Variants in NFKB1 observed in about 807,000 individuals in gnomAD.
The protein encoded by NFKB1 is nuclear factor NF-kappa-B p105 subunit.
NFKB1 carries 9 observed loss-of-function variants against 105.1 expected under a neutral mutation model. The observed-to-expected ratio is 0.09, with a 90% confidence interval of 0.05 to 0.15. The LOEUF is 0.15. Among genes scored for constraint, NFKB1 ranks in the 10% least tolerant of loss-of-function variants. The pLI is 1.00. For missense variants in NFKB1, 830 were observed against 1,203.7 expected, an observed-to-expected ratio of 0.69 and a Z score of 4.59; for synonymous variants, 440 against 442.2, an observed-to-expected ratio of 1.00 and a Z score of 0.06.
rs1739021419 is a variant in NFKB1, at chr4:102,501,601, T to G, written c.-195T>G. ...GCCCTGCGCTTCCCTCCGCCCGCGC[T>G]GCGGCCATGGCGCGGCGCTGACTGG... On this transcript the variant is annotated 5_prime_UTR_variant, in exon 1 of 24. Coordinates refer to ENST00000226574, the MANE Select transcript of NFKB1 (RefSeq NM_003998.4). 1.4e-5 allele frequency: 2 copies of G among 147,276 alleles called. No individual in the cohort carries two copies. The highest frequency in any genetic ancestry group is 3.9e-4 in the East Asian group (2 of 5,092). The allele number at this position is 147,276 out of a possible 1,614,324, so 9.1% of individuals were successfully genotyped here.
intron 22 of NFKB1, among the ~76,000 whole-genome samples, chr4:102,613,179 G>T (rs4648114): frequency 1.3e-5 from 2 of 152,128 alleles, no homozygotes; most frequent in African/African-American, 4.8e-5. Flanking sequence ...CGCTTCTCTC[G>T]CTGTCTCTCT....
chr4:102,537,657 G>A, intron 4 of NFKB1: 1 of 444,040 alleles, frequency 2.3e-6, no homozygotes, highest in East Asian at 4.2e-5. Context: ...ATATCTTAGT[G>A]TACAAATATC....
chr4:102,502,835 A>T (rs1474646334), intron 1 of NFKB1, among the ~76,000 whole-genome samples: 1 of 152,236 alleles, frequency 6.6e-6, no homozygotes, highest in Non-Finnish European at 1.5e-5. Flanking sequence ...ATAATCTGAA[A>T]AAATGCTTAT....
At chr4:102,536,430 C>G (rs1045354679) in intron 4 of NFKB1, among the ~76,000 whole-genome samples, 2 of 152,036 alleles carry the variant, frequency 1.3e-5, no homozygotes, top group Admixed American at 6.6e-5. Context: ...TTACTTTAGG[C>G]CTTACTTATC....
chr4:102,560,296 A>C (rs895508310), intron 5 of NFKB1, among the ~76,000 whole-genome samples: 2 of 152,208 alleles, frequency 1.3e-5, no homozygotes, highest in African/African-American at 4.8e-5. Context: ...ATGTAGTAAA[A>C]CTGAAAGTTA....
At chr4:102,551,638 T>A (rs950670998) in intron 5 of NFKB1, among the ~76,000 whole-genome samples, 5 of 152,120 alleles carry the variant, frequency 3.3e-5, no homozygotes, top group African/African-American at 9.7e-5. Context: ...GATCCCTGTT[T>A]TGGTAGTTCA....
intron 1 of NFKB1, among the ~76,000 whole-genome samples, chr4:102,516,578 C>CT (rs74462352): frequency 0.37 from 56,191 of 151,404 alleles, 10,686 homozygotes; most frequent in Admixed American, 0.46. Context: ...AATTTCCATT[C>CT]TTTTTTTTAA....
At chr4:102,550,519 A>G (rs533882507) in intron 5 of NFKB1, among the ~76,000 whole-genome samples, 1 of 152,242 alleles carries the variant, frequency 6.6e-6, no homozygotes, top group East Asian at 1.9e-4. Flanking sequence ...TTTGGATTTG[A>G]GATATGAAAT....
intron 5 of NFKB1, 21 bp downstream of exon 5, chr4:102,537,977 C>G: frequency 7.0e-7 from 1 of 1,420,680 alleles, no homozygotes; most frequent in Non-Finnish European, 9.9e-7. Flanking sequence ...GGTAGCTCTC[C>G]TTCTATTTGA....
At chr4:102,610,848 C>A in intron 20 of NFKB1, 149 bp downstream of exon 20, 2 of 1,022,532 alleles carry the variant, frequency 2.0e-6, no homozygotes, top group Non-Finnish European at 2.7e-6. Context: ...CCATTTTTAT[C>A]TTGAAAAACC....
chr4:102,611,262 A>T (rs1378072877), intron 20 of NFKB1, among the ~76,000 whole-genome samples: 1 of 152,190 alleles, frequency 6.6e-6, no homozygotes, highest in African/African-American at 2.4e-5. Context: ...CAACATGACA[A>T]GATCAGTTCT....
intron 1 of NFKB1, among the ~76,000 whole-genome samples, chr4:102,511,371 T>C (rs990227507): frequency 7.9e-5 from 12 of 152,234 alleles, no homozygotes; most frequent in Admixed American, 4.6e-4. Flanking sequence ...TCATGTAGTC[T>C]TTTCAGTTTT....
At chr4:102,555,241 T>C (rs1408728900) in intron 5 of NFKB1, among the ~76,000 whole-genome samples, 4 of 152,312 alleles carry the variant, frequency 2.6e-5, no homozygotes, top group Admixed American at 1.3e-4. Flanking sequence ...TCCTCAGCCT[T>C]TCCTAATGTT....
At chr4:102,611,946 C>T in intron 20 of NFKB1, 98 bp from the exon 21 acceptor site, 1 of 917,824 alleles carries the variant, frequency 1.1e-6, no homozygotes, top group South Asian at 1.5e-5. Flanking sequence ...ACCAGGCCCT[C>T]CTAAGGAGGA....
chr4:102,523,016 C>T (rs1481996542), intron 1 of NFKB1, among the ~76,000 whole-genome samples: 1 of 152,078 alleles, frequency 6.6e-6, no homozygotes, highest in African/African-American at 2.4e-5. Flanking sequence ...GGGATATGTT[C>T]TTTGAATAGG....
intron 2 of NFKB1, among the ~76,000 whole-genome samples, chr4:102,525,961 C>G (rs1162330691): frequency 1.3e-5 from 2 of 152,146 alleles, no homozygotes; most frequent in African/African-American, 4.8e-5. Flanking sequence ...TTCCATGCCT[C>G]TCCCCTAGCT....
At chr4:102,601,903 T>TA (rs1388120119) in intron 16 of NFKB1, among the ~76,000 whole-genome samples, 1 of 152,234 alleles carries the variant, frequency 6.6e-6, no homozygotes, top group African/African-American at 2.4e-5. Context: ...CAGTCTGCTG[T>TA]ATGGGGCTCC....
intron 12 of NFKB1, among the ~76,000 whole-genome samples, chr4:102,594,526 T>G (rs1250087548): frequency 3.3e-5 from 5 of 152,182 alleles, no homozygotes; most frequent in Non-Finnish European, 7.3e-5. Context: ...TGTGCTTTGT[T>G]TGATTAAGTT....
intron 13 of NFKB1, among the ~76,000 whole-genome samples, chr4:102,595,428 G>C (rs1396342340): frequency 6.6e-6 from 1 of 152,140 alleles, no homozygotes; most frequent in Non-Finnish European, 1.5e-5. Flanking sequence ...GTCCATTCTA[G>C]TGTACCCATG....
Sources: gnomAD v4.1 joint callset for allele counts (sites outside exome capture counted in the v4.1 genomes callset) on GRCh38, gnomAD v4.1.1 for gene constraint, MANE v1.5 for transcripts, NCBI Gene and HGNC (gene_info 2026-07-23, HGNC 2026-07-21) for gene names.